Variants in RIMBP2 observed in about 807,000 individuals in gnomAD.
RIMBP2 encodes the protein RIMS binding protein 2.
A neutral mutation model predicts 118.6 loss-of-function variants in RIMBP2; 48 were observed. The observed-to-expected ratio is 0.40, with a 90% CI of 0.32 to 0.51. The LOEUF (loss-of-function observed/expected upper bound fraction) is 0.51. Among genes scored for constraint, RIMBP2 ranks in the 20% least tolerant of loss-of-function variants. The probability of loss-of-function intolerance (pLI) is 0.41; values close to 1 mark genes in which losing one functional copy is unlikely to be tolerated. For missense variants in RIMBP2, 1,551 were observed against 1,768.3 expected, an observed-to-expected ratio of 0.88 and a Z score of 2.20; for synonymous variants, 762 against 742.9, an observed-to-expected ratio of 1.03 and a Z score of -0.42.
chr12:130,540,908 G>A (rs1036769047), intron 2 of RIMBP2, among the ~76,000 whole-genome samples: 1 of 152,150 alleles, frequency 6.6e-6, no homozygotes, highest in South Asian at 2.1e-4. Context: ...GGTTTCATGT[G>A]GGGGTGAGAG....
chr12:130,522,769 C>T (rs1206124423), intron 2 of RIMBP2, among the ~76,000 whole-genome samples: 1 of 152,080 alleles, frequency 6.6e-6, no homozygotes, highest in Non-Finnish European at 1.5e-5. Flanking sequence ...GGCTGTCTCC[C>T]TGCCTGCTGT....
At chr12:130,615,587 T>C (rs962242760) in intron 2 of RIMBP2, among the ~76,000 whole-genome samples, 7 of 152,102 alleles carry the variant, frequency 4.6e-5, no homozygotes, top group African/African-American at 7.2e-5. Context: ...GCTGGGATTA[T>C]AGGTGTGAGC....
chr12:130,546,720 G>A (rs2055212742), intron 2 of RIMBP2, among the ~76,000 whole-genome samples: 2 of 152,210 alleles, frequency 1.3e-5, no homozygotes, highest in African/African-American at 4.8e-5. Flanking sequence ...TAAACTGGCA[G>A]CCCACCAGGC....
intron 2 of RIMBP2, among the ~76,000 whole-genome samples, chr12:130,559,271 C>A (rs1451058204): frequency 6.6e-6 from 1 of 152,146 alleles, no homozygotes; most frequent in Admixed American, 6.6e-5. Context: ...TTTATTCCAC[C>A]TAATAGATAT....
In RIMBP2 at chr12:130,476,038, G is replaced by A. The variant is rs188141520; in HGVS notation, c.102+2874C>T. Among the ~76,000 whole-genome samples, 13 of 152,216 alleles carry A rather than the reference G, an allele frequency of 8.5e-5. No homozygotes were observed. The East Asian group carries it at 2.5e-3, about 30-fold the overall frequency. ...CATCTATGTGAGGTCATGAGACAGT[G>A]AGTATAGACTGAGAAGGGATGTGAC... On this transcript the variant is annotated intron_variant, in intron 5 of 22. Transcript: ENST00000690449.
chr12:130,454,926 T>C (rs2079294354), intron 7 of RIMBP2, among the ~76,000 whole-genome samples: 1 of 152,340 alleles, frequency 6.6e-6, no homozygotes, highest in South Asian at 2.1e-4. Flanking sequence ...AAATGTCCCC[T>C]ACACTGGATG....
chr12:130,535,706 C>T (rs576184545), intron 2 of RIMBP2, among the ~76,000 whole-genome samples: 4 of 134,960 alleles, frequency 3.0e-5, no homozygotes, highest in East Asian at 2.1e-4. Flanking sequence ...TATATATACA[C>T]ATATACATAT....
chr12:130,495,234 G>A (rs537649061), intron 4 of RIMBP2, among the ~76,000 whole-genome samples: 25 of 152,330 alleles, frequency 1.6e-4, no homozygotes, highest in Non-Finnish European at 2.8e-4. Flanking sequence ...ATGATGAGGG[G>A]GGCTGCTTCA....
chr12:130,400,235 C>G (rs547346478), intron 21 of RIMBP2, among the ~76,000 whole-genome samples: 1 of 152,316 alleles, frequency 6.6e-6, no homozygotes, highest in Non-Finnish European at 1.5e-5. Flanking sequence ...CGGTGGGGAC[C>G]TGGTGGTCCT....
At chr12:130,676,287 A>AT (rs1015272835) in intron 1 of RIMBP2, among the ~76,000 whole-genome samples, 2 of 151,136 alleles carry the variant, frequency 1.3e-5, no homozygotes, top group African/African-American at 2.4e-5. Context: ...AATTGGAAAA[A>AT]AAATCCAAAT....
rs556135470 is a variant in RIMBP2 at position 130,413,632 on chromosome 12, CAAAAAAAAAA to C, written c.3420+483_3420+492del. ...TGGGTGACAGAGCAAGACTCTGTCT[CAAAAAAAAAA>C]AAAAAAAAAAAAAAGGAACTGGGTA... is the stretch of plus-strand genomic sequence containing the variant. On this transcript the variant is annotated intron_variant, in intron 18 of 22. Coordinates refer to ENST00000690449, the MANE Select transcript of RIMBP2 (RefSeq NM_001393629.1). Among the ~76,000 whole-genome samples, 7 of 73,364 alleles carry C rather than the reference CAAAAAAAAAA, an allele frequency of 9.5e-5. No individual in the cohort carries two copies. The East Asian group carries it at 2.3e-3, about 24-fold the overall frequency. 48.1% of individuals were successfully genotyped at this position (73,364 alleles called of 152,430 possible).
In RIMBP2 at chr12:130,574,736, C is replaced by T. The variant is rs572734603; in HGVS notation, c.-217+53586G>A. ...CATCGGAAGCCCTGAGCAGCCCCACCGCCCACCCCAGGGCTCACAACCCCT... is the reference window on the plus strand; with the variant it reads ...CATCGGAAGCCCTGAGCAGCCCCACTGCCCACCCCAGGGCTCACAACCCCT... On this transcript the variant is annotated intron_variant, in intron 2 of 22. Coordinates refer to ENST00000690449, the MANE Select transcript of RIMBP2 (RefSeq NM_001393629.1). Among the ~76,000 whole-genome samples, 23 of 152,134 alleles carry T rather than the reference C, an allele frequency of 1.5e-4. No individual in the cohort carries two copies. In the South Asian group the frequency reaches 3.3e-3, roughly 22 times the overall value.
At chr12:130,536,880 T>C (rs1246944610) in intron 2 of RIMBP2, among the ~76,000 whole-genome samples, 1 of 152,090 alleles carries the variant, frequency 6.6e-6, no homozygotes, top group Non-Finnish European at 1.5e-5. Context: ...GCCCCTGATA[T>C]GGCATGATGG....
chr12:130,483,863 A>G (rs1453801675), intron 4 of RIMBP2, among the ~76,000 whole-genome samples: 22 of 111,138 alleles, frequency 2.0e-4, no homozygotes, highest in Admixed American at 8.1e-4. Context: ...CGGAGCCCCC[A>G]CCCTCACCTA....
At chr12:130,497,087 C>T (rs1011325348) in intron 4 of RIMBP2, among the ~76,000 whole-genome samples, 1 of 152,162 alleles carries the variant, frequency 6.6e-6, no homozygotes, top group African/African-American at 2.4e-5. Flanking sequence ...CACGTGGCTT[C>T]CTCCCTGAGC....
intron 2 of RIMBP2, among the ~76,000 whole-genome samples, chr12:130,555,194 T>C (rs1158039747): frequency 6.6e-6 from 1 of 152,218 alleles, no homozygotes; most frequent in Admixed American, 6.5e-5. Flanking sequence ...ATCAGCTCCC[T>C]GTGGTGAACT....
rs921494628 is a variant in RIMBP2, at chr12:130,623,833, C to T, written c.-217+4489G>A. On this transcript the variant is annotated intron_variant, in intron 2 of 22. Coordinates refer to ENST00000690449, the MANE Select transcript of RIMBP2 (RefSeq NM_001393629.1). This position sits in a 1 kb window ranked among gnomAD's most constrained non-coding sequence, Gnocchi z 4.1. The stretch of plus-strand genomic sequence containing the variant: ...TAAATACCCCAGCTCCCTCATCCCT[C>T]AAGCAGATAATCCCACGGTGTACAC... Among the ~76,000 whole-genome samples, 1 of 152,178 alleles carries T rather than the reference C, an allele frequency of 6.6e-6. No homozygotes were observed. Among genetic ancestry groups the T allele is most frequent in the Non-Finnish European group, 1.5e-5 (1 of 68,028 alleles).
Position 130,451,334 on chromosome 12 carries a change from T to C in RIMBP2, c.365A>G (p.Glu122Gly), listed in dbSNP as rs775806534. 3 of 1,603,364 alleles carry C rather than the reference T, an allele frequency of 1.9e-6. No individual in the cohort carries two copies. The highest frequency in any genetic ancestry group is 2.6e-6 in the Non-Finnish European group (3 of 1,173,188). ...GLATSLGKGQ[E>G]SAIGGSSAIG... The stretch of plus-strand genomic sequence containing the variant: ...CGCAGAGCTGCCTCCAATAGCGCTC[T>C]CCTGACCTGGCCACGAACATTAAAA... The change falls in exon 8 of 23, where the codon GAG (glutamate) becomes GGG (glycine). Residue 122 changes from glutamate (E) to glycine (G), a missense_variant. Transcript: ENST00000690449.
intron 1 of RIMBP2, among the ~76,000 whole-genome samples, chr12:130,663,101 C>A (rs369277043): frequency 2.6e-4 from 39 of 152,316 alleles, no homozygotes; most frequent in African/African-American, 8.2e-4. Context: ...CTTCAACCAG[C>A]AGGTTCTGCA....
Sources: gnomAD v4.1 joint callset for allele counts (sites outside exome capture counted in the v4.1 genomes callset) on GRCh38, gnomAD v4.1.1 for gene constraint, Gnocchi (gnomAD v3.1) non-coding constraint, MANE v1.5 for transcripts, NCBI Gene and HGNC (gene_info 2026-07-23, HGNC 2026-07-21) for gene names.